The following VILL variants were observed in gnomAD, a reference collection of about 807,000 sequenced individuals.
VILL encodes villin-like protein.
Under a neutral mutation model 106.3 loss-of-function variants are expected in VILL, and 102 were observed. The observed-to-expected ratio is 0.96, with a 90% CI of 0.82 to 1.13. The LOEUF (loss-of-function observed/expected upper bound fraction) is 1.13, where lower values mean the gene tolerates loss of function less well. VILL is among the 50% of genes most tolerant of loss of function. The probability of loss-of-function intolerance (pLI) is 0.00; values close to 1 mark genes in which losing one functional copy is unlikely to be tolerated. For synonymous variants in VILL, 431 were observed against 440.3 expected, an observed-to-expected ratio of 0.98 and a Z score of 0.27; for missense variants, 1,076 against 1,116.6, an observed-to-expected ratio of 0.96 and a Z score of 0.52.
chr3:38,003,602 C>G (rs118141999), intron 15 of VILL: 1 of 421,160 alleles, frequency 2.4e-6, no homozygotes, highest in Admixed American at 3.8e-5. Flanking sequence ...AAGCACCCTT[C>G]CCCACCCTAC....
At chr3:37,994,564 C>A (rs2125529760) in intron 4 of VILL, 98 bp downstream of exon 4, 1 of 1,423,502 alleles carries the variant, frequency 7.0e-7, no homozygotes, top group Non-Finnish European at 9.5e-7. Flanking sequence ...CTGAATGGGG[C>A]AAGCCGGGAG....
chr3:37,994,011 T>A (rs375550917), intron 3 of VILL, 39 bp downstream of exon 3: 43 of 1,611,356 alleles, frequency 2.7e-5, no homozygotes, highest in Non-Finnish European at 3.6e-5. Context: ...AGGGGTGGCA[T>A]GGCCCGGCAC....
At position 37,997,378 on chromosome 3, in the gene VILL, A is replaced by C; in HGVS notation, c.562-105A>C. Reference sequence around the variant, plus strand: ...CTGGATGCCAGGATGAGGGGACATCAGCCCTTCTCCCCATCAGCCTCTGGG... The same window carrying C: ...CTGGATGCCAGGATGAGGGGACATCCGCCCTTCTCCCCATCAGCCTCTGGG... On this transcript the variant is annotated intron_variant, in intron 6 of 19. Coordinates refer to ENST00000383759, the MANE Select transcript of VILL (RefSeq NM_015873.4). The surrounding 1 kb of genome is among the most constrained non-coding windows in gnomAD (Gnocchi z 4.7). The C allele has an allele frequency of 7.6e-7, 1 of 1,308,936 alleles. No homozygotes were observed. The highest frequency in any genetic ancestry group is 1.1e-6 in the Non-Finnish European group (1 of 934,412). The allele number at this position is 1,308,936 out of a possible 1,614,324, so 81.1% of individuals were successfully genotyped here. A position where few individuals can be genotyped will look rare whatever the true frequency, so the allele number is the denominator to read the frequency against.
intron 11 of VILL, 128 bp from the exon 12 acceptor site, chr3:38,001,328 G>T: frequency 7.2e-7 from 1 of 1,379,574 alleles, no homozygotes; most frequent in Non-Finnish European, 9.9e-7. Context: ...GGAGCTGAGG[G>T]TGGGCCCCTG....
intron 1 of VILL, among the ~76,000 whole-genome samples, chr3:37,991,463 A>T (rs1455373369): frequency 6.6e-6 from 1 of 150,976 alleles, no homozygotes; most frequent in Non-Finnish European, 1.5e-5. Context: ...GGGAGGAAAA[A>T]TGGGAGAAAA....
At chr3:37,989,060 G>C (rs1699580296), upstream of VILL, among the ~76,000 whole-genome samples, 1 of 152,196 alleles carries the variant, frequency 6.6e-6, no homozygotes. Flanking sequence ...AGGGAGGCTG[G>C]CTCCGGAGCA....
chr3:37,995,955 T>C, intron 5 of VILL, 108 bp downstream of exon 5: 1 of 823,562 alleles, frequency 1.2e-6, no homozygotes, highest in South Asian at 1.4e-5. Flanking sequence ...CAAGGAGCTG[T>C]CAGCATTCCC....
At position 37,997,021 on chromosome 3, in the gene VILL, C is replaced by CCCCT. The variant is rs1467486510; in HGVS notation, c.451-54_451-51dup. 2.7e-6 allele frequency: 4 copies of CCCCT among 1,506,904 alleles called. No individual in the cohort carries two copies. Among genetic ancestry groups the CCCCT allele is most frequent in the Non-Finnish European group, 3.7e-6 (4 of 1,084,634 alleles). The allele number at this position is 1,506,904 out of a possible 1,614,324, so 93.3% of individuals were successfully genotyped here. On this transcript the variant is annotated intron_variant, in intron 5 of 19. Transcript: ENST00000383759. The surrounding 1 kb of genome is among the most constrained non-coding windows in gnomAD (Gnocchi z 4.7). ...ACACGTGACACATCCCAGCTATGCT[C>CCCCT]CCCTCTAGCGGATGCTGGTGGTATG... is the stretch of plus-strand genomic sequence containing the variant.
intron 13 of VILL, 160 bp from the exon 14 acceptor site, chr3:38,002,236 C>G: frequency 1.5e-6 from 1 of 682,176 alleles, no homozygotes. Flanking sequence ...TTCCTGCACT[C>G]CACACTTAGA....
Position 37,998,794 on chromosome 3 carries a change from G to A in VILL, c.943-118G>A. 1 of 1,443,520 alleles carries A rather than the reference G, an allele frequency of 6.9e-7. No individual in the cohort carries two copies. The highest frequency in any genetic ancestry group is 9.1e-7 in the Non-Finnish European group (1 of 1,094,988). 89.4% of individuals were successfully genotyped at this position (1,443,520 alleles called of 1,614,324 possible). A position where few individuals can be genotyped will look rare whatever the true frequency, so the allele number is the denominator to read the frequency against. ...AGAGTCAATTCGCTAAGTGGGTCATGAGCTCGGTTAATTAACGCTTCTTGG... is the reference window on the plus strand; with the variant it reads ...AGAGTCAATTCGCTAAGTGGGTCATAAGCTCGGTTAATTAACGCTTCTTGG... On this transcript the variant is annotated intron_variant, in intron 9 of 19. Coordinates refer to ENST00000383759, the MANE Select transcript of VILL (RefSeq NM_015873.4). This position sits in a 1 kb window ranked among gnomAD's most constrained non-coding sequence, Gnocchi z 4.1.
intron 14 of VILL, chr3:38,002,856 A>G: frequency 1.9e-6 from 1 of 531,118 alleles, no homozygotes. Flanking sequence ...TCTTGGGAAA[A>G]GGGGAGGCCT....
chr3:37,994,198 C>G, intron 3 of VILL, 63 bp from the exon 4 acceptor site: 1 of 1,540,466 alleles, frequency 6.5e-7, no homozygotes, highest in South Asian at 1.2e-5. Context: ...GGTACATCCT[C>G]CCCTTCTCCA....
chr3:38,005,616 G>C (rs9311174), intron 16 of VILL, among the ~76,000 whole-genome samples, 176 bp from the exon 17 acceptor site: 6,480 of 152,272 alleles, frequency 0.043, 447 homozygotes, highest in African/African-American at 0.15. Context: ...GCATTCCTGT[G>C]ACCTTCTCGT....
At position 37,997,297 on chromosome 3, in the gene VILL, C is replaced by A; in HGVS notation, c.561+110C>A. ...AGTTGGGCTTGGCTCTGCTACAACC[C>A]AAGAAACGCCTATGAGTTACAAGCT... On this transcript the variant is annotated intron_variant, in intron 6 of 19. Coordinates refer to ENST00000383759, the MANE Select transcript of VILL (RefSeq NM_015873.4). This position sits in a 1 kb window ranked among gnomAD's most constrained non-coding sequence, Gnocchi z 4.7. The A allele has an allele frequency of 1.6e-6, 2 of 1,255,286 alleles. No homozygotes were observed. The highest frequency in any genetic ancestry group is 2.3e-6 in the Non-Finnish European group (2 of 882,350). 77.8% of individuals were successfully genotyped at this position (1,255,286 alleles called of 1,614,324 possible). A position where few individuals can be genotyped will look rare whatever the true frequency, so the allele number is the denominator to read the frequency against.
Position 37,998,325 on chromosome 3 carries a change from T to TAGCCTCCAGGAGAGAAAGGC in VILL, c.904_923dup (p.Phe310SerfsTer29). 4 of 1,614,186 alleles carry TAGCCTCCAGGAGAGAAAGGC rather than the reference T, an allele frequency of 2.5e-6. No homozygotes were observed. The highest frequency in any genetic ancestry group is 3.4e-6 in the Non-Finnish European group (4 of 1,180,010). On this transcript the variant is annotated frameshift_variant, in exon 9 of 20. Coordinates refer to ENST00000383759, the MANE Select transcript of VILL (RefSeq NM_015873.4). LOFTEE classifies it high-confidence loss of function. The surrounding 1 kb of genome is among the most constrained non-coding windows in gnomAD (Gnocchi z 4.1). The stretch of plus-strand genomic sequence containing the variant: ...TCTATGTGTGGCAGGGACGCATGTC[T>TAGCCTCCAGGAGAGAAAGGC]AGCCTCCAGGAGAGAAAGGCTGCCT...
rs1329501074 is a variant in VILL at position 37,997,608 on chromosome 3, C to T, written c.687C>T (p.Arg229=). Residue 229 remains arginine (R), a synonymous_variant, in exon 7 of 20, where the codon CGC becomes CGT. Coordinates refer to ENST00000383759, the MANE Select transcript of VILL (RefSeq NM_015873.4). The surrounding 1 kb of genome is among the most constrained non-coding windows in gnomAD (Gnocchi z 4.7). ...LMQIMEAVLG[R]RVGSLRAATP... ...AGATCATGGAGGCTGTGCTGGGCCGCAGGGTGGGCAGCCTGCGTGCCGCCA... is the reference window on the plus strand; with the variant it reads ...AGATCATGGAGGCTGTGCTGGGCCGTAGGGTGGGCAGCCTGCGTGCCGCCA... 2 of 1,612,968 alleles carry T rather than the reference C, an allele frequency of 1.2e-6. No homozygotes were observed. Among genetic ancestry groups the T allele is most frequent in the Non-Finnish European group, 1.7e-6 (2 of 1,179,560 alleles).
At chr3:38,004,804 G>A (rs574324197) in intron 16 of VILL, among the ~76,000 whole-genome samples, 1 of 152,320 alleles carries the variant, frequency 6.6e-6, no homozygotes, top group African/African-American at 2.4e-5. Flanking sequence ...TTGCCTTCGT[G>A]CACCTGTGTG....
At chr3:37,999,191 CAG>C (rs1182485545) in intron 10 of VILL, 141 bp downstream of exon 10, 3 of 1,230,624 alleles carry the variant, frequency 2.4e-6, no homozygotes, top group African/African-American at 1.6e-5. Context: ...CGGGGCGGAA[CAG>C]AGCCTCAGGA....
At chr3:37,995,340 A>G (rs1699681584) in intron 4 of VILL, among the ~76,000 whole-genome samples, 1 of 152,258 alleles carries the variant, frequency 6.6e-6, no homozygotes. Context: ...GCAGAAACAC[A>G]CACCACCCTC....
Sources: allele counts gnomAD v4.1 joint callset (sites outside exome capture counted in the v4.1 genomes callset), GRCh38; gene constraint gnomAD v4.1.1; non-coding constraint Gnocchi (gnomAD v3.1); transcripts MANE v1.5; gene names NCBI Gene and HGNC (gene_info 2026-07-23, HGNC 2026-07-21).